ELFN1: variants seen among roughly 807,000 people sequenced by gnomAD.
ELFN1 encodes protein ELFN1.
Under a neutral mutation model 7.6 loss-of-function variants are expected in ELFN1, and 6 were observed. The ratio of observed to expected loss-of-function variants is 0.79; its 90% CI spans 0.43 to 1.56. ELFN1 has a LOEUF of 1.56. Among genes scored for constraint, ELFN1 ranks in the 40% most tolerant of loss-of-function variants. ELFN1 has a pLI of 0.01. For missense variants in ELFN1, 1,169 were observed against 1,232.2 expected, an observed-to-expected ratio of 0.95 and a Z score of 0.77; for synonymous variants, 657 against 588.1, an observed-to-expected ratio of 1.12 and a Z score of -1.70.
chr7:1,681,416 G>T (rs1778973438), intron 1 of ELFN1, among the ~76,000 whole-genome samples: 1 of 152,108 alleles, frequency 6.6e-6, no homozygotes, highest in South Asian at 2.1e-4. Context: ...AGGCTGGAGT[G>T]CACTGGCTTA....
rs569399698 is a variant in ELFN1 at position 1,713,412 on chromosome 7, G to A, written c.-294+4160G>A. ...ACTTGGGGTGGGACGCATTGTTTCC[G>A]AGATCCCTTCTAGGGACATCCTTTT... is the stretch of plus-strand genomic sequence containing the variant. On this transcript the variant is annotated intron_variant, in intron 3 of 3. Transcript: ENST00000424383. 2.6e-5 allele frequency among the ~76,000 whole-genome samples: 4 copies of A among 152,298 alleles called. No individual in the cohort carries two copies. The East Asian group carries it at 5.8e-4, about 22-fold the overall frequency.
At chr7:1,720,110 G>A (rs1779973976) in intron 3 of ELFN1, among the ~76,000 whole-genome samples, 1 of 152,214 alleles carries the variant, frequency 6.6e-6, no homozygotes, top group African/African-American at 2.4e-5. Context: ...CTGGCACAGT[G>A]TCCTTTGCGA....
At chr7:1,728,345 C>G (rs993435905) in intron 3 of ELFN1, among the ~76,000 whole-genome samples, 2 of 152,264 alleles carry the variant, frequency 1.3e-5, no homozygotes. Context: ...TCAGACCAAC[C>G]GCATTCTGCG....
intron 3 of ELFN1, among the ~76,000 whole-genome samples, chr7:1,733,120 A>G (rs964340049): frequency 3.9e-5 from 6 of 152,100 alleles, no homozygotes; most frequent in African/African-American, 1.2e-4. Flanking sequence ...AGGCTGTTCT[A>G]GAATTCCTGG....
intron 3 of ELFN1, among the ~76,000 whole-genome samples, chr7:1,711,685 G>T (rs1352374851): frequency 4.0e-5 from 6 of 151,836 alleles, no homozygotes; most frequent in Non-Finnish European, 7.4e-5. Context: ...AGTTCTTCGT[G>T]TATTCATCCA....
intron 3 of ELFN1, among the ~76,000 whole-genome samples, chr7:1,733,957 C>T (rs1562384044): frequency 6.6e-6 from 1 of 152,114 alleles, no homozygotes; most frequent in Admixed American, 6.5e-5. Context: ...AGAACAGGGA[C>T]AGAATCTGCA....
chr7:1,738,365 G>T (rs1198925705), intron 3 of ELFN1, among the ~76,000 whole-genome samples: 1 of 152,178 alleles, frequency 6.6e-6, no homozygotes, highest in Non-Finnish European at 1.5e-5. Context: ...GTGGGTTAGG[G>T]TTAGGACCCC....
chr7:1,729,038 C>CA (rs1780268257), intron 3 of ELFN1, among the ~76,000 whole-genome samples: 2 of 152,174 alleles, frequency 1.3e-5, no homozygotes, highest in South Asian at 4.1e-4. Flanking sequence ...GCTCAGGAGG[C>CA]AAACTCAGCT....
chr7:1,700,246 A>G (rs930587227), intron 2 of ELFN1, among the ~76,000 whole-genome samples: 2 of 149,868 alleles, frequency 1.3e-5, no homozygotes, highest in Admixed American at 1.3e-4. Context: ...GAGCCAGGGA[A>G]AGAATAACCA....
At chr7:1,707,609 C>T (rs1011084398) in intron 2 of ELFN1, among the ~76,000 whole-genome samples, 7 of 152,196 alleles carry the variant, frequency 4.6e-5, no homozygotes, top group South Asian at 2.1e-4. Flanking sequence ...CGGGTGTGGG[C>T]CTGGAAGCCT....
In ELFN1 at chr7:1,695,908, C is replaced by T. The variant is rs1779296980; in HGVS notation, c.-456+7758C>T. Among the ~76,000 whole-genome samples, 1 of 152,160 alleles carries T rather than the reference C, an allele frequency of 6.6e-6. No homozygotes were observed. Among genetic ancestry groups the T allele is most frequent in the Non-Finnish European group, 1.5e-5 (1 of 68,042 alleles). On this transcript the variant is annotated intron_variant, in intron 2 of 3. Transcript: ENST00000424383. The surrounding 1 kb of genome is among the most constrained non-coding windows in gnomAD (Gnocchi z 5.1). The stretch of plus-strand genomic sequence containing the variant: ...CCTGGAGTGTGCATTTATTAAATAC[C>T]TACTGTATGCCGAGCCCCAGGCTGG...
chr7:1,710,842 C>T (rs1779633590), intron 3 of ELFN1, among the ~76,000 whole-genome samples: 1 of 152,210 alleles, frequency 6.6e-6, no homozygotes. Flanking sequence ...AATATTAGGG[C>T]TGGAAGGCAC....
chr7:1,720,226 C>G lies in ELFN1; in HGVS notation c.-294+10974C>G, dbSNP rs149177664. Among the ~76,000 whole-genome samples the G allele has an allele frequency of 2.4e-4, 36 of 152,338 alleles. No individual in the cohort carries two copies. The East Asian group carries it at 5.6e-3, about 24-fold the overall frequency. On this transcript the variant is annotated intron_variant, in intron 3 of 3. Coordinates refer to ENST00000424383, the MANE Select transcript of ELFN1 (RefSeq NM_001128636.4). ...GAAGCCACTATCCTTGCACTCAGGC[C>G]CAGGCTGGATGGAGTCCACGGCCTC...
chr7:1,680,775 TC>T (rs1371640226), intron 1 of ELFN1, among the ~76,000 whole-genome samples: 1 of 142,742 alleles, frequency 7.0e-6, no homozygotes, highest in Non-Finnish European at 1.5e-5. Flanking sequence ...TGAATCTCAC[TC>T]TGTTGCCTAG....
In ELFN1 at chr7:1,744,497, C is replaced by T; in HGVS notation, c.-100C>T. The stretch of plus-strand genomic sequence containing the variant: ...AGGACACCCCTGAGAGTGCAGGCAC[C>T]TCCCCCTCCCGCCCCTCCATCCCTC... On this transcript the variant is annotated 5_prime_UTR_variant, in exon 4 of 4. Coordinates refer to ENST00000424383, the MANE Select transcript of ELFN1 (RefSeq NM_001128636.4). 3 of 1,331,766 alleles carry T rather than the reference C, an allele frequency of 2.3e-6. No individual in the cohort carries two copies. The highest frequency in any genetic ancestry group is 3.0e-6 in the Non-Finnish European group (3 of 1,012,602). The allele number at this position is 1,331,766 out of a possible 1,614,324, so 82.5% of individuals were successfully genotyped here. A position where few individuals can be genotyped will look rare whatever the true frequency, so the allele number is the denominator to read the frequency against.
intron 1 of ELFN1, among the ~76,000 whole-genome samples, chr7:1,681,337 G>A (rs575040464): frequency 6.6e-6 from 1 of 151,978 alleles, no homozygotes; most frequent in African/African-American, 2.4e-5. Flanking sequence ...CCTGGAAGGA[G>A]AGTTCATCTG....
rs1199788022 is a variant in ELFN1, at chr7:1,707,005, C to CAACACACGTACACGTGTACACATGTGT, written c.-455-2085_-455-2059dup. 1.0e-3 allele frequency among the ~76,000 whole-genome samples: 154 copies of CAACACACGTACACGTGTACACATGTGT among 152,280 alleles called. 2 individuals carry two copies. The highest frequency in any genetic ancestry group is 3.4e-3 in the African/African-American group (140 of 41,572). On this transcript the variant is annotated intron_variant, in intron 2 of 3. Transcript: ENST00000424383. Reference sequence around the variant, plus strand: ...GTTCATGTGCATGTGTACACATGTGCAACACACGTACACGTGTACACATGT... The same window carrying CAACACACGTACACGTGTACACATGTGT: ...GTTCATGTGCATGTGTACACATGTGCAACACACGTACACGTGTACACATGTGTAACACACGTACACGTGTACACATGT...
At chr7:1,704,480 C>T (rs947058556) in intron 2 of ELFN1, among the ~76,000 whole-genome samples, 21 of 152,168 alleles carry the variant, frequency 1.4e-4, no homozygotes, top group African/African-American at 4.8e-4. Context: ...CACGTGCTCA[C>T]ACACAGCCAG....
rs1220468156 is a variant in ELFN1, at chr7:1,670,325, G to T, written c.-578G>T. 6.6e-6 allele frequency among the ~76,000 whole-genome samples: 1 copy of T among 151,714 alleles called. No individual in the cohort carries two copies. The highest frequency in any genetic ancestry group is 2.0e-4 in the East Asian group (1 of 5,116). On this transcript the variant is annotated 5_prime_UTR_variant, in exon 1 of 4. Coordinates refer to ENST00000424383, the MANE Select transcript of ELFN1 (RefSeq NM_001128636.4). This position sits in a 1 kb window ranked among gnomAD's most constrained non-coding sequence, Gnocchi z 6.4. ...TTGAAGGACGGCGGCGGCTGCGGGC[G>T]CAGCCCCGGAACCGAGGCCGGGCGG...
Sources: allele counts gnomAD v4.1 joint callset (sites outside exome capture counted in the v4.1 genomes callset), GRCh38; gene constraint gnomAD v4.1.1; non-coding constraint Gnocchi (gnomAD v3.1); transcripts MANE v1.5; gene names NCBI Gene and HGNC (gene_info 2026-07-23, HGNC 2026-07-21).